Variants in ARMC9 observed in about 807,000 individuals in gnomAD.
ARMC9 encodes the protein lisH domain-containing protein ARMC9.
ARMC9 carries 94 observed loss-of-function variants against 107.0 expected under a neutral mutation model. The observed-to-expected ratio is 0.88, with a 90% confidence interval of 0.74 to 1.04. The LOEUF (loss-of-function observed/expected upper bound fraction) is 1.04. ARMC9 is among the 50% of genes least tolerant of loss of function. The pLI is 0.00. For synonymous variants in ARMC9, 380 were observed against 396.9 expected (o/e 0.96, Z 0.51); for missense variants, 942 against 1,030.1 (o/e 0.91, Z 1.17).
At chr2:231,348,927 C>A (rs147316515) in intron 21 of ARMC9, among the ~76,000 whole-genome samples, 14 of 152,160 alleles carry the variant, frequency 9.2e-5, no homozygotes, top group Non-Finnish European at 4.4e-5. Context: ...AAAAGTCAGG[C>A]AATAACAAAT....
intron 3 of ARMC9, among the ~76,000 whole-genome samples, chr2:231,211,430 G>T (rs1238018045): frequency 6.6e-6 from 1 of 151,938 alleles, no homozygotes; most frequent in East Asian, 1.9e-4. Context: ...TACTTGGGAG[G>T]CTGAGGCAGG....
At chr2:231,217,920 T>C (rs537647947) in intron 5 of ARMC9, among the ~76,000 whole-genome samples, 24 of 152,292 alleles carry the variant, frequency 1.6e-4, no homozygotes, top group African/African-American at 5.5e-4. Flanking sequence ...CTTGAACTCC[T>C]GACCTCAGGT....
chr2:231,262,741 A>T (rs1296544862), intron 12 of ARMC9, among the ~76,000 whole-genome samples: 4 of 152,210 alleles, frequency 2.6e-5, no homozygotes, highest in Non-Finnish European at 4.4e-5. Context: ...GGTTGTTTAC[A>T]TCTGGGCCTG....
chr2:231,278,536 C>T (rs1183641151), intron 16 of ARMC9, 78 bp downstream of exon 16: 3 of 1,277,848 alleles, frequency 2.3e-6, no homozygotes, highest in Non-Finnish European at 3.4e-6. Flanking sequence ...CACAGGCACA[C>T]AGCTGGCCCA....
intron 16 of ARMC9, among the ~76,000 whole-genome samples, chr2:231,280,474 AAAGT>A (rs751544646): frequency 1.1e-4 from 16 of 152,136 alleles, no homozygotes; most frequent in Admixed American, 5.2e-4. Context: ...ATAAATAAAT[AAAGT>A]AAGAAAAAGA....
chr2:231,349,421 C>A (rs953614276), intron 21 of ARMC9, among the ~76,000 whole-genome samples: 1 of 150,420 alleles, frequency 6.6e-6, no homozygotes, highest in African/African-American at 2.4e-5. Flanking sequence ...TACTAGAGAC[C>A]GGGAAGGGTG....
At position 231,208,134 on chromosome 2, in the gene ARMC9, A is replaced by T; in HGVS notation, c.59A>T (p.Asp20Val). 1 of 1,383,908 alleles carries T rather than the reference A, an allele frequency of 7.2e-7. No homozygotes were observed. Among genetic ancestry groups the T allele is most frequent in the Non-Finnish European group, 1.0e-6 (1 of 982,920 alleles). The allele number at this position is 1,383,908 out of a possible 1,614,324, so 85.7% of individuals were successfully genotyped here. A position where few individuals can be genotyped will look rare whatever the true frequency, so the allele number is the denominator to read the frequency against. Reference sequence around the variant, plus strand: ...ATTATTTATTTTTTATAGTATTTAGATTTTGCTGAATTTGAAGACACCTTG... The same window carrying T: ...ATTATTTATTTTTTATAGTATTTAGTTTTTGCTGAATTTGAAGACACCTTG... ...ELLGLVKEYL[D>V]FAEFEDTLKT... Residue 20 changes from aspartate (D) to valine (V), a missense_variant, in exon 3 of 25, where the codon GAT (aspartate) becomes GTT (valine). Coordinates refer to ENST00000611582, the MANE Select transcript of ARMC9 (RefSeq NM_001352754.2).
At chr2:231,365,620 C>T (rs541992687) in intron 23 of ARMC9, among the ~76,000 whole-genome samples, 22 of 152,162 alleles carry the variant, frequency 1.4e-4, no homozygotes, top group African/African-American at 4.8e-4. Flanking sequence ...GGTGGGGAAA[C>T]GGGCCAGAAC....
At chr2:231,328,799 A>ATTTTC (rs932481522) in intron 19 of ARMC9, among the ~76,000 whole-genome samples, 5 of 121,970 alleles carry the variant, frequency 4.1e-5, no homozygotes, top group Middle Eastern at 4.3e-3. Flanking sequence ...AGCGTGTTCA[A>ATTTTC]TTTTCTTTTC....
Position 231,370,123 on chromosome 2 carries a change from C to G in ARMC9, c.2432C>G (p.Pro811Arg), listed in dbSNP as rs564939247. 2.0e-6 allele frequency: 3 copies of G among 1,524,498 alleles called. No homozygotes were observed. Among genetic ancestry groups the G allele is most frequent in the Non-Finnish European group, 2.6e-6 (3 of 1,139,586 alleles). The allele number at this position is 1,524,498 out of a possible 1,614,324, so 94.4% of individuals were successfully genotyped here. The part of the protein sequence containing the change: ...GSTASSTRGL[P>R]SSQSHRK Reference sequence around the variant, plus strand: ...ACAGCGTCCTCCACAAGGGGCCTGCCGAGTAAGTCAGCCTGGGCCCCACTG... The same window carrying G: ...ACAGCGTCCTCCACAAGGGGCCTGCGGAGTAAGTCAGCCTGGGCCCCACTG... The change falls in exon 24 of 25, where the codon CCG becomes CGG. Residue 811 changes from proline to arginine, a missense_variant and splice_region_variant. Physicochemically the swap from Pro to Arg is moderately radical, Grantham distance 103. Coordinates refer to ENST00000611582, the MANE Select transcript of ARMC9 (RefSeq NM_001352754.2).
intron 20 of ARMC9, among the ~76,000 whole-genome samples, chr2:231,342,983 G>A (rs1575145491): frequency 6.6e-6 from 1 of 151,966 alleles, no homozygotes. Flanking sequence ...GTGCCATCTC[G>A]GCTCACTGCA....
At chr2:231,209,132 C>A (rs528258714) in intron 3 of ARMC9, among the ~76,000 whole-genome samples, 201 of 152,238 alleles carry the variant, frequency 1.3e-3, no homozygotes, top group African/African-American at 4.4e-3. Flanking sequence ...GAACTCCTGA[C>A]CTCAAGTGAT....
intron 19 of ARMC9, among the ~76,000 whole-genome samples, chr2:231,330,376 C>T (rs933449053): frequency 1.3e-5 from 2 of 152,020 alleles, no homozygotes; most frequent in African/African-American, 2.4e-5. Context: ...TGGGGGGTCC[C>T]GGAAACCCAC....
intron 24 of ARMC9, chr2:231,371,148 C>A: frequency 1.9e-6 from 1 of 518,452 alleles, no homozygotes; most frequent in Non-Finnish European, 3.7e-6. Context: ...GCCACTGGGG[C>A]AGGGATCCCC....
chr2:231,204,349 T>G (rs978361223), intron 1 of ARMC9, among the ~76,000 whole-genome samples: 5 of 151,990 alleles, frequency 3.3e-5, no homozygotes, highest in African/African-American at 1.2e-4. Flanking sequence ...CACCCCTAGC[T>G]ACATCCCAAT....
chr2:231,225,890 C>T (rs1398787104), intron 6 of ARMC9, among the ~76,000 whole-genome samples: 1 of 152,196 alleles, frequency 6.6e-6, no homozygotes, highest in Non-Finnish European at 1.5e-5. Flanking sequence ...GAATTTTGCT[C>T]TTGTCACCCA....
At chr2:231,246,028 CT>C (rs1425151629) in intron 9 of ARMC9, among the ~76,000 whole-genome samples, 1 of 152,164 alleles carries the variant, frequency 6.6e-6, no homozygotes, top group Non-Finnish European at 1.5e-5. Context: ...CTCCTGCCCC[CT>C]GGATGAGTCC....
chr2:231,272,816 C>A, intron 13 of ARMC9, 139 bp from the exon 14 acceptor site: 1 of 1,146,780 alleles, frequency 8.7e-7, no homozygotes, highest in Admixed American at 2.4e-5. Flanking sequence ...GCGCCCTGCC[C>A]AGTAAGTTTT....
intron 15 of ARMC9, among the ~76,000 whole-genome samples, chr2:231,277,584 G>A (rs375606541): frequency 7.1e-6 from 1 of 140,962 alleles, no homozygotes; most frequent in African/African-American, 2.7e-5. Flanking sequence ...TTTTTGAGAT[G>A]AAGTCACGCT....
Sources: allele counts gnomAD v4.1 joint callset (sites outside exome capture counted in the v4.1 genomes callset), GRCh38; gene constraint gnomAD v4.1.1; transcripts MANE v1.5; gene names NCBI Gene and HGNC (gene_info 2026-07-23, HGNC 2026-07-21).